The following VWA3B variants were observed in gnomAD, a reference collection of about 807,000 sequenced individuals.
VWA3B encodes von Willebrand factor A domain containing 3B, also known as von Willebrand factor A domain-containing protein 3B.
A neutral mutation model predicts 158.3 loss-of-function variants in VWA3B; 138 were observed. The ratio of observed to expected loss-of-function variants is 0.87; its 90% CI spans 0.76 to 1.00. VWA3B has a LOEUF of 1.00. VWA3B is among the 50% of genes least tolerant of loss of function. The pLI, the probability that VWA3B is intolerant of heterozygous loss-of-function variation, is 0.00. For missense variants in VWA3B, 1,555 were observed against 1,565.1 expected (o/e 0.99, Z 0.11); for synonymous variants, 596 against 587.3 (o/e 1.01, Z -0.21).
chr2:98,226,686 A>G (rs143297315), intron 14 of VWA3B, among the ~76,000 whole-genome samples: 1 of 150,946 alleles, frequency 6.6e-6, no homozygotes, highest in East Asian at 2.5e-4. Context: ...CAAAGGTCTT[A>G]GTATCTAGAA....
rs1674314379 is a variant in VWA3B, at chr2:98,113,629, T to C, written c.197-2023T>C. On this transcript the variant is annotated intron_variant, in intron 2 of 27. Transcript: ENST00000477737. ...AATGGTTTTACTATATTCACAGATA[T>C]GTGCAACTATTTAGAATGTTTTTAT... 3.3e-5 allele frequency among the ~76,000 whole-genome samples: 5 copies of C among 152,186 alleles called. No homozygotes were observed. In the South Asian group the frequency reaches 8.3e-4, roughly 25 times the overall value.
the VWA3B span, among the ~76,000 whole-genome samples, chr2:98,328,767 C>T: frequency 2.0e-5 from 3 of 152,118 alleles, no homozygotes; most frequent in Non-Finnish European, 4.4e-5. Context: ...TCCCCCAAAC[C>T]TCTATAAATT....
In VWA3B at chr2:98,234,754, T is replaced by G; in HGVS notation, c.2415T>G (p.Ala805=). Residue 805 remains alanine (A), a synonymous_variant, in exon 17 of 28, where the codon GCT becomes GCG. Transcript: ENST00000477737. ...CCAATGCCAGCAGCCGGAGGACTGC[T>G]CTAAGTGACAAAGGCAAGCCAGAAA... is the stretch of plus-strand genomic sequence containing the variant. ...GLSNASSRRT[A]LSDKEMSILL... 1 of 1,614,126 alleles carries G rather than the reference T, an allele frequency of 6.2e-7. No homozygotes were observed. Among genetic ancestry groups the G allele is most frequent in the Non-Finnish European group, 8.5e-7 (1 of 1,180,012 alleles).
intron 12 of VWA3B, among the ~76,000 whole-genome samples, chr2:98,210,574 G>T (rs1015167196): frequency 3.3e-5 from 5 of 152,236 alleles, no homozygotes; most frequent in Non-Finnish European, 7.3e-5. Context: ...AGAGCAGCTG[G>T]ATGGGTCAGG....
At chr2:98,220,230 G>C (rs1299157090) in intron 14 of VWA3B, among the ~76,000 whole-genome samples, 1 of 151,362 alleles carries the variant, frequency 6.6e-6, no homozygotes, top group Admixed American at 6.6e-5. Flanking sequence ...CAAGCCTGCG[G>C]TACCAGAAAC....
At chr2:98,292,867 G>A (rs1266589236) in intron 23 of VWA3B, among the ~76,000 whole-genome samples, 1 of 151,978 alleles carries the variant, frequency 6.6e-6, no homozygotes, top group Non-Finnish European at 1.5e-5. Context: ...GGGAGGCTGA[G>A]GCAGGAGAAT....
At chr2:98,221,230 A>G (rs1376305338) in intron 14 of VWA3B, among the ~76,000 whole-genome samples, 1 of 152,100 alleles carries the variant, frequency 6.6e-6, no homozygotes, top group East Asian at 1.9e-4. Context: ...TATATCCCAG[A>G]CAGGGCACTG....
At chr2:98,275,450 G>A (rs189058412) in intron 22 of VWA3B, among the ~76,000 whole-genome samples, 323 of 152,172 alleles carry the variant, frequency 2.1e-3, no homozygotes, top group African/African-American at 7.2e-3. Context: ...GGACCAAGGC[G>A]GATGAGGCCC....
chr2:98,164,751 G>T (rs1402816628), intron 8 of VWA3B, among the ~76,000 whole-genome samples: 3 of 152,130 alleles, frequency 2.0e-5, no homozygotes, highest in Non-Finnish European at 4.4e-5. Flanking sequence ...GGTGTTTGAT[G>T]GGTTCCAGCC....
chr2:98,242,483 A>G (rs542871346), intron 19 of VWA3B, among the ~76,000 whole-genome samples: 73 of 152,066 alleles, frequency 4.8e-4, no homozygotes, highest in Non-Finnish European at 8.7e-4. Context: ...TTTGAAAAGC[A>G]TTGAAATAAT....
At chr2:98,184,187 A>G (rs1233289086) in intron 9 of VWA3B, among the ~76,000 whole-genome samples, 2 of 152,114 alleles carry the variant, frequency 1.3e-5, no homozygotes, top group Non-Finnish European at 2.9e-5. Flanking sequence ...TCTGTGGTGT[A>G]TGGTCTGGTG....
chr2:98,179,167 G>A, intron 8 of VWA3B: 1 of 469,450 alleles, frequency 2.1e-6, no homozygotes, highest in South Asian at 1.6e-5. Context: ...GCCAGCTCCA[G>A]ACACCAGTGC....
chr2:98,122,432 C>T (rs1475826821), intron 5 of VWA3B, among the ~76,000 whole-genome samples: 3 of 152,156 alleles, frequency 2.0e-5, no homozygotes, highest in African/African-American at 7.2e-5. Flanking sequence ...CTGTGTTTAT[C>T]AATACTGAGG....
At chr2:98,218,810 A>G (rs1250431831) in intron 14 of VWA3B, among the ~76,000 whole-genome samples, 1 of 152,202 alleles carries the variant, frequency 6.6e-6, no homozygotes, top group Non-Finnish European at 1.5e-5. Flanking sequence ...AGACTAGGGA[A>G]TGAATCATCC....
intron 9 of VWA3B, among the ~76,000 whole-genome samples, chr2:98,185,315 T>C (rs974384274): frequency 6.6e-6 from 1 of 152,202 alleles, no homozygotes; most frequent in Non-Finnish European, 1.5e-5. Context: ...CTCAACCATT[T>C]TTCCCTTCTC....
At chr2:98,292,110 C>T (rs1050550690) in intron 23 of VWA3B, 1 of 148,034 alleles carries the variant, frequency 6.8e-6, no homozygotes, top group Non-Finnish European at 1.5e-5. Context: ...AAAAAATTAA[C>T]CGGGCACCTG....
chr2:98,262,827 A>G (rs1162342008), intron 21 of VWA3B, among the ~76,000 whole-genome samples: 3 of 151,952 alleles, frequency 2.0e-5, no homozygotes, highest in African/African-American at 7.2e-5. Context: ...AAAAAATACC[A>G]TTGGGATTTT....
chr2:98,114,596 C>G (rs1362475052), intron 2 of VWA3B, among the ~76,000 whole-genome samples: 1 of 152,174 alleles, frequency 6.6e-6, no homozygotes, highest in Non-Finnish European at 1.5e-5. Flanking sequence ...GAAGTACCAG[C>G]ACCACAAGTA....
intron 7 of VWA3B, among the ~76,000 whole-genome samples, chr2:98,151,758 C>T (rs567887511): frequency 2.6e-5 from 4 of 152,144 alleles, no homozygotes; most frequent in South Asian, 4.1e-4. Context: ...TTATAAAAAT[C>T]GGAATAATAA....
Sources: gnomAD v4.1 joint callset for allele counts (sites outside exome capture counted in the v4.1 genomes callset) on GRCh38, gnomAD v4.1.1 for gene constraint, MANE v1.5 for transcripts, NCBI Gene and HGNC (gene_info 2026-07-23, HGNC 2026-07-21) for gene names.